CCDC66: variants seen among roughly 807,000 people sequenced by gnomAD.
CCDC66 encodes coiled-coil domain containing 66.
In CCDC66, 133 loss-of-function variants were observed where a neutral mutation model predicts 128.3. The ratio of observed to expected loss-of-function variants is 1.04; its 90% confidence interval spans 0.90 to 1.20. The LOEUF is 1.20. Ranked by LOEUF, CCDC66 falls within the 50% of genes most tolerant of loss-of-function variation. The probability of loss-of-function intolerance (pLI) is 0.00; values close to 1 mark genes in which losing one functional copy is unlikely to be tolerated. For synonymous variants in CCDC66, 387 were observed against 357.0 expected, an observed-to-expected ratio of 1.08 and a Z score of -0.95; for missense variants, 1,126 against 1,075.5, an observed-to-expected ratio of 1.05 and a Z score of -0.66.
Position 56,563,917 on chromosome 3 carries a change from A to T in CCDC66, c.336A>T (p.Ser112=), listed in dbSNP as rs1383210773. 1 of 1,613,686 alleles carries T rather than the reference A, an allele frequency of 6.2e-7. No individual in the cohort carries two copies. The highest frequency in any genetic ancestry group is 1.7e-5 in the Admixed American group (1 of 60,014). ...GTCTTCATATCCAGAAAGAGATTTC[A>T]CCTGCAACCCCTAATATGCAGAAGA... ...KDCLHIQKEI[S]PATPNMQKTR... The change falls in exon 4 of 18, where the codon TCA becomes TCT. Residue 112 remains serine (S), a synonymous_variant. Coordinates refer to ENST00000394672, the MANE Select transcript of CCDC66 (RefSeq NM_001141947.3).
chr3:56,579,290 TTC>T, intron 7 of CCDC66, among the ~76,000 whole-genome samples: 1 of 151,846 alleles, frequency 6.6e-6, no homozygotes, highest in Admixed American at 6.6e-5. Flanking sequence ...TATTTGATTC[TTC>T]TCTCTTTTCT....
At chr3:56,609,859 T>G (rs1339086133) in intron 10 of CCDC66, among the ~76,000 whole-genome samples, 1 of 152,192 alleles carries the variant, frequency 6.6e-6, no homozygotes, top group Non-Finnish European at 1.5e-5. Context: ...AATACAAAAT[T>G]TGGCTGATAA....
intron 3 of CCDC66, chr3:56,563,415 T>G: frequency 3.3e-6 from 1 of 299,212 alleles, no homozygotes; most frequent in East Asian, 5.4e-5. Context: ...AAAGAGATAA[T>G]GTAGGTGGTA....
intron 10 of CCDC66, among the ~76,000 whole-genome samples, chr3:56,611,616 T>C (rs188571573): frequency 2.0e-4 from 27 of 132,118 alleles, no homozygotes; most frequent in African/African-American, 7.1e-4. Context: ...CCTGTTCAAG[T>C]TGTTACAAAG....
At chr3:56,584,997 C>T (rs893286927) in intron 7 of CCDC66, among the ~76,000 whole-genome samples, 4 of 151,286 alleles carry the variant, frequency 2.6e-5, no homozygotes, top group African/African-American at 4.9e-5. Context: ...CAGGCTGAGG[C>T]GGGAGAATCA....
intron 4 of CCDC66, among the ~76,000 whole-genome samples, chr3:56,566,232 C>T (rs893325365): frequency 1.4e-4 from 22 of 152,140 alleles, no homozygotes; most frequent in Admixed American, 7.2e-4. Flanking sequence ...TCAACCCATC[C>T]TCCCACCTCA....
chr3:56,590,385 T>C (rs971367230), intron 7 of CCDC66, among the ~76,000 whole-genome samples: 5 of 152,140 alleles, frequency 3.3e-5, no homozygotes, highest in African/African-American at 4.8e-5. Flanking sequence ...ACAGAATAAT[T>C]TGAAGACTGA....
Position 56,593,569 on chromosome 3 carries a change from C to T in CCDC66, c.1147C>T (p.Gln383Ter), listed in dbSNP as rs773821758. 1.5e-5 allele frequency: 24 copies of T among 1,613,988 alleles called. No homozygotes were observed. The highest frequency in any genetic ancestry group is 4.5e-5 in the East Asian group (2 of 44,896). The change falls in exon 9 of 18, where the codon CAG becomes TAG. Residue 383 changes from glutamine (Q) to a stop codon, truncating the protein, a stop_gained. Coordinates refer to ENST00000394672, the MANE Select transcript of CCDC66 (RefSeq NM_001141947.3). LOFTEE classifies it high-confidence loss of function. ...YPGSQSQLFS[Q>*]STHKQPEYFC... Reference sequence around the variant, plus strand: ...TGGTTCTCAATCTCAGCTGTTCTCTCAGTCAACACACAAACAACCTGAGTA... The same window carrying T: ...TGGTTCTCAATCTCAGCTGTTCTCTTAGTCAACACACAAACAACCTGAGTA...
Position 56,593,140 on chromosome 3 carries a change from AAATC to A in CCDC66, c.1068+42_1068+45del, listed in dbSNP as rs1207771614. On this transcript the variant is annotated intron_variant, in intron 8 of 17. Transcript: ENST00000394672. ...TTTTGTGGCTATAAAAGAAAAAATA[AAATC>A]AAAGTCTTTAATCAATTAAAACTAG... 2.1e-6 allele frequency: 3 copies of A among 1,462,884 alleles called. No homozygotes were observed. In the South Asian group the frequency reaches 3.8e-5, roughly 18 times the overall value. The allele number at this position is 1,462,884 out of a possible 1,614,324, so 90.6% of individuals were successfully genotyped here. A position where few individuals can be genotyped will look rare whatever the true frequency, so the allele number is the denominator to read the frequency against.
At chr3:56,568,877 T>C (rs551108116) in intron 6 of CCDC66, among the ~76,000 whole-genome samples, 1 of 152,364 alleles carries the variant, frequency 6.6e-6, no homozygotes, top group Admixed American at 6.5e-5. Flanking sequence ...CATTACTTCT[T>C]CGACTAAACT....
intron 10 of CCDC66, among the ~76,000 whole-genome samples, chr3:56,597,537 T>G (rs1216579226): frequency 6.6e-6 from 1 of 152,078 alleles, no homozygotes; most frequent in African/African-American, 2.4e-5. Context: ...GTTTGTATCC[T>G]CTTTCGTTTA....
chr3:56,596,544 G>A (rs1406084246), intron 10 of CCDC66, among the ~76,000 whole-genome samples: 1 of 143,116 alleles, frequency 7.0e-6, no homozygotes, highest in African/African-American at 2.5e-5. Context: ...ATTCAAACTG[G>A]GGGACAGACT....
chr3:56,612,843 C>T (rs1456409413), intron 10 of CCDC66, among the ~76,000 whole-genome samples: 1 of 152,178 alleles, frequency 6.6e-6, no homozygotes, highest in African/African-American at 2.4e-5. Flanking sequence ...GGTGGAGATG[C>T]AGCAAGGCTG....
chr3:56,575,470 T>A (rs890004570), intron 7 of CCDC66, among the ~76,000 whole-genome samples: 2 of 151,846 alleles, frequency 1.3e-5, no homozygotes, highest in Non-Finnish European at 2.9e-5. Context: ...GTAGGAGTTA[T>A]ATATTTTGTA....
intron 8 of CCDC66, 66 bp from the exon 9 acceptor site, chr3:56,593,425 G>A: frequency 6.5e-7 from 1 of 1,541,678 alleles, no homozygotes; most frequent in Non-Finnish European, 8.8e-7. Context: ...ATCTTTGGTT[G>A]TCATTTAGAA....
chr3:56,600,920 C>T (rs2073048459), intron 10 of CCDC66, among the ~76,000 whole-genome samples: 1 of 151,998 alleles, frequency 6.6e-6, no homozygotes, highest in Non-Finnish European at 1.5e-5. Context: ...GTCTGCCATT[C>T]TGTGGGTTGC....
At chr3:56,578,776 G>T (rs543466299) in intron 7 of CCDC66, among the ~76,000 whole-genome samples, 3 of 151,988 alleles carry the variant, frequency 2.0e-5, no homozygotes, top group African/African-American at 4.8e-5. Flanking sequence ...GATCATGGTG[G>T]ATAAGCTTTT....
intron 14 of CCDC66, 134 bp downstream of exon 14, chr3:56,617,739 G>A: frequency 9.4e-7 from 1 of 1,066,776 alleles, no homozygotes; most frequent in Non-Finnish European, 1.3e-6. Context: ...TATCCCATGG[G>A]CAAATCCAGG....
At chr3:56,617,647 A>T in intron 14 of CCDC66, 42 bp downstream of exon 14, 1 of 1,549,654 alleles carries the variant, frequency 6.5e-7, no homozygotes, top group South Asian at 1.3e-5. Flanking sequence ...ACGTTTCTGG[A>T]TTCAAAACAC....
Sources: allele counts gnomAD v4.1 joint callset (sites outside exome capture counted in the v4.1 genomes callset), GRCh38; gene constraint gnomAD v4.1.1; transcripts MANE v1.5; gene names NCBI Gene and HGNC (gene_info 2026-07-23, HGNC 2026-07-21).